The following RRBP1 variants were observed in gnomAD, a reference collection of about 807,000 sequenced individuals.
RRBP1 encodes the protein ribosome-binding protein 1.
RRBP1 carries 94 observed loss-of-function variants against 165.2 expected under a neutral mutation model. That is an observed-to-expected ratio of 0.57 (90% CI 0.48 to 0.68). The LOEUF (loss-of-function observed/expected upper bound fraction) is 0.68, where lower values mean the gene tolerates loss of function less well. Among genes scored for constraint, RRBP1 ranks in the 30% least tolerant of loss-of-function variants. The pLI is 0.00. For synonymous variants in RRBP1, 680 were observed against 714.5 expected, an observed-to-expected ratio of 0.95 and a Z score of 0.77; for missense variants, 1,676 against 1,763.0, an observed-to-expected ratio of 0.95 and a Z score of 0.88.
At chr20:17,657,569 GA>G (rs887369137) in intron 3 of RRBP1, among the ~76,000 whole-genome samples, 28 of 150,784 alleles carry the variant, frequency 1.9e-4, no homozygotes, top group African/African-American at 6.1e-4. Context: ...GAAAAGAAAG[GA>G]AAAAAGAAAA....
intron 2 of RRBP1, among the ~76,000 whole-genome samples, chr20:17,677,544 C>A (rs1481854255): frequency 6.6e-6 from 1 of 152,132 alleles, no homozygotes; most frequent in Non-Finnish European, 1.5e-5. Flanking sequence ...ATGATCCTTT[C>A]GAAGTTATAT....
chr20:17,647,387 G>A (rs967680293), intron 3 of RRBP1, among the ~76,000 whole-genome samples: 1 of 152,246 alleles, frequency 6.6e-6, no homozygotes, highest in Admixed American at 6.5e-5. Context: ...GGGCCCTAGC[G>A]TGTCAGACTT....
At chr20:17,628,736 C>T (rs894052431) in intron 9 of RRBP1, among the ~76,000 whole-genome samples, 1 of 152,254 alleles carries the variant, frequency 6.6e-6, no homozygotes, top group African/African-American at 2.4e-5. Flanking sequence ...TGCCATGCAT[C>T]CCCTCCTGCC....
intron 7 of RRBP1, among the ~76,000 whole-genome samples, chr20:17,634,490 G>A (rs1488097622): frequency 1.3e-5 from 2 of 152,252 alleles, no homozygotes; most frequent in East Asian, 1.9e-4. Context: ...AGTGACCTAG[G>A]AGGGAGGCGG....
At chr20:17,664,644 T>C (rs2036835464) in intron 2 of RRBP1, among the ~76,000 whole-genome samples, 1 of 152,206 alleles carries the variant, frequency 6.6e-6, no homozygotes, top group Non-Finnish European at 1.5e-5. Context: ...ACAGAAGATA[T>C]CTGCTAATTC....
rs180747553 is a variant in RRBP1, at chr20:17,637,218, T to A, written c.2185-489A>T. On this transcript the variant is annotated intron_variant, in intron 5 of 24. Coordinates refer to ENST00000377813, the MANE Select transcript of RRBP1 (RefSeq NM_001365613.2). ...GCCGTGGCTGGGGGTAGGGCATGCA[T>A]CTCTGCAGGCGGTCGCTCTGTCCTC... is the stretch of plus-strand genomic sequence containing the variant. Among the ~76,000 whole-genome samples the A allele has an allele frequency of 2.6e-5, 4 of 152,202 alleles. No homozygotes were observed. The East Asian group carries it at 7.7e-4, about 29-fold the overall frequency.
chr20:17,651,308 C>T (rs1285291380), intron 3 of RRBP1, among the ~76,000 whole-genome samples: 2 of 152,188 alleles, frequency 1.3e-5, no homozygotes, highest in Non-Finnish European at 2.9e-5. Flanking sequence ...AATTGTGAAA[C>T]GTTTCTGGAA....
intron 5 of RRBP1, among the ~76,000 whole-genome samples, chr20:17,639,798 C>T (rs976665531): frequency 6.7e-6 from 1 of 149,730 alleles, no homozygotes; most frequent in Non-Finnish European, 1.5e-5. Context: ...GAGGCTGAGA[C>T]AGGAGAATCG....
In RRBP1 at chr20:17,668,733, C is replaced by T. The variant is rs118104704; in HGVS notation, c.-21-8205G>A. Among the ~76,000 whole-genome samples the T allele has an allele frequency of 5.5e-3, 839 of 152,318 alleles. 3 individuals are homozygous for T. The highest frequency in any genetic ancestry group is 0.013 in the Admixed American group (200 of 15,302). On this transcript the variant is annotated intron_variant, in intron 2 of 24. Transcript: ENST00000377813. ...TGTGAGAGAAGGCTCAGTTCCCATT[C>T]CCAGTCTCAGACAAAATCCCATTCC...
At chr20:17,668,331 G>A (rs535478809) in intron 2 of RRBP1, among the ~76,000 whole-genome samples, 4 of 152,270 alleles carry the variant, frequency 2.6e-5, no homozygotes, top group African/African-American at 9.6e-5. Context: ...TTCGTTATTC[G>A]ATTTGTTTTT....
intron 17 of RRBP1, 30 bp downstream of exon 17, chr20:17,620,685 G>A (rs919973818): frequency 6.4e-7 from 1 of 1,558,480 alleles, no homozygotes; most frequent in Non-Finnish European, 8.8e-7. Context: ...GTGCTCCACG[G>A]CGCCGGGAGG....
Position 17,620,694 on chromosome 20 carries a change from G to A in RRBP1, c.3507+21C>T, listed in dbSNP as rs1433366193. ...CTTCATGTGCTCCACGGCGCCGGGA[G>A]GCAGGCAGGGCTGCATATACCTTCT... On this transcript the variant is annotated intron_variant, in intron 17 of 24. Transcript: ENST00000377813. The A allele has an allele frequency of 4.4e-6, 7 of 1,585,698 alleles. No individual in the cohort carries two copies. In the African/African-American group the frequency reaches 6.7e-5, roughly 15 times the overall value.
Position 17,652,016 on chromosome 20 carries a change from A to C in RRBP1, c.1912+6580T>G, listed in dbSNP as rs78431555. On this transcript the variant is annotated intron_variant, in intron 3 of 24. Transcript: ENST00000377813. Reference sequence around the variant, plus strand: ...GACCAGCCAGGTAACAGGTAGGGCTAGGAAGACTGAAGAAGCACTTCAAGT... The same window carrying C: ...GACCAGCCAGGTAACAGGTAGGGCTCGGAAGACTGAAGAAGCACTTCAAGT... Among the ~76,000 whole-genome samples, 931 of 152,326 alleles carry C rather than the reference A, an allele frequency of 6.1e-3. 11 individuals are homozygous for C. The highest frequency in any genetic ancestry group is 0.021 in the African/African-American group (889 of 41,588).
intron 3 of RRBP1, among the ~76,000 whole-genome samples, chr20:17,646,393 G>GT (rs1409366512): frequency 1.3e-5 from 2 of 152,250 alleles, no homozygotes; most frequent in Admixed American, 6.5e-5. Flanking sequence ...TCCTTGGGCA[G>GT]TGGGGCACCA....
At position 17,614,730 on chromosome 20, in the gene RRBP1, C is replaced by A; in HGVS notation, c.4194+7G>T. The A allele has an allele frequency of 2.5e-6, 4 of 1,610,946 alleles. No homozygotes were observed. The highest frequency in any genetic ancestry group is 2.5e-6 in the Non-Finnish European group (3 of 1,179,976). The stretch of plus-strand genomic sequence containing the variant: ...CCTCCCGCCCTGCTTTGGCGCCAGG[C>A]ACGCACTGCCTTTTCCAGCTGTTCC... On this transcript the variant is annotated splice_region_variant and intron_variant, in intron 24 of 24. Transcript: ENST00000377813.
chr20:17,660,817 C>T (rs750916325), intron 2 of RRBP1, among the ~76,000 whole-genome samples: 1 of 152,196 alleles, frequency 6.6e-6, no homozygotes, highest in Non-Finnish European at 1.5e-5. Context: ...GCCTCAGCAG[C>T]CATGACCCTG....
intron 7 of RRBP1, among the ~76,000 whole-genome samples, chr20:17,635,059 T>C (rs1027268209): frequency 2.0e-5 from 3 of 151,830 alleles, no homozygotes; most frequent in African/African-American, 4.8e-5. Flanking sequence ...AGCAAAGAAA[T>C]GTACAACTAA....
At chr20:17,635,807 C>G in intron 6 of RRBP1, 143 bp from the exon 7 acceptor site, 1 of 700,822 alleles carries the variant, frequency 1.4e-6, no homozygotes, top group Non-Finnish European at 2.4e-6. Flanking sequence ...TTAAGAGGAT[C>G]CCATAAAACA....
At position 17,629,957 on chromosome 20, in the gene RRBP1, G is replaced by A; in HGVS notation, c.2615C>T (p.Ser872Phe). The A allele has an allele frequency of 1.9e-6, 3 of 1,594,290 alleles. No individual in the cohort carries two copies. Among genetic ancestry groups the A allele is most frequent in the Non-Finnish European group, 2.6e-6 (3 of 1,175,632 alleles). Residue 872 changes from serine to phenylalanine, a missense_variant, in exon 9 of 25, where the codon TCC becomes TTC. Coordinates refer to ENST00000377813, the MANE Select transcript of RRBP1 (RefSeq NM_001365613.2). Reference sequence around the variant, plus strand: ...CAGGGCCTCCTCACTCTCCCTGTGGGACGCCTGGGGACGGGCAGGGGAGTG... The same window carrying A: ...CAGGGCCTCCTCACTCTCCCTGTGGAACGCCTGGGGACGGGCAGGGGAGTG... Reference protein sequence around the residue: ...FEKQVLQLQASHRESEEALQK... With the variant: ...FEKQVLQLQAFHRESEEALQK...
Sources: allele counts gnomAD v4.1 joint callset (sites outside exome capture counted in the v4.1 genomes callset), GRCh38; gene constraint gnomAD v4.1.1; transcripts MANE v1.5; gene names NCBI Gene and HGNC (gene_info 2026-07-23, HGNC 2026-07-21).